The following FAM227B variants were observed in gnomAD, a reference collection of about 807,000 sequenced individuals.
FAM227B encodes family with sequence similarity 227 member B, also known as protein FAM227B.
Under a neutral mutation model 73.8 loss-of-function variants are expected in FAM227B, and 88 were observed. That is an observed-to-expected ratio of 1.19 (90% CI 1.00 to 1.42). The LOEUF (loss-of-function observed/expected upper bound fraction) is 1.42. FAM227B is among the 40% of genes most tolerant of loss of function. The pLI is 0.00. For missense variants in FAM227B, 632 were observed against 590.9 expected (o/e 1.07, Z -0.72); for synonymous variants, 210 against 190.5 (o/e 1.10, Z -0.84).
chr15:49,516,730 G>A (rs1487765594), intron 10 of FAM227B, among the ~76,000 whole-genome samples: 1 of 152,012 alleles, frequency 6.6e-6, no homozygotes, highest in African/African-American at 2.4e-5. Context: ...AATCACCCAT[G>A]TTCTAATCCC....
chr15:49,523,788 T>C (rs1003200475), intron 10 of FAM227B, among the ~76,000 whole-genome samples: 10 of 152,198 alleles, frequency 6.6e-5, no homozygotes, highest in African/African-American at 2.4e-4. Flanking sequence ...TCTGAAGTGG[T>C]CTCAGATGGA....
chr15:49,612,778 C>A (rs1409462076), intron 2 of FAM227B, among the ~76,000 whole-genome samples: 2 of 151,816 alleles, frequency 1.3e-5, no homozygotes, highest in Non-Finnish European at 2.9e-5. Flanking sequence ...ATCACAAGTT[C>A]ATGTTTTAGA....
chr15:49,604,070 T>C (rs1481342607), intron 3 of FAM227B, among the ~76,000 whole-genome samples: 1 of 152,228 alleles, frequency 6.6e-6, no homozygotes, highest in East Asian at 1.9e-4. Context: ...TTATTTTAAA[T>C]ATTTTTGCCT....
chr15:49,407,448 A>T (rs958215269), intron 11 of FAM227B, among the ~76,000 whole-genome samples: 1 of 151,702 alleles, frequency 6.6e-6, no homozygotes, highest in African/African-American at 2.4e-5. Flanking sequence ...CCCTCTGAAG[A>T]TCTGTTAGGA....
rs2042977341 is a variant in FAM227B, at chr15:49,355,411, G to C, written c.1271+12037C>G. 2.0e-5 allele frequency among the ~76,000 whole-genome samples: 3 copies of C among 152,358 alleles called. No individual in the cohort carries two copies. The South Asian group carries it at 6.2e-4, about 32-fold the overall frequency. ...ACTGCCTAAAGGAGCTAATGGAGCT[G>C]AAAACCAAGGCTCGAGAACTACGTG... On this transcript the variant is annotated intron_variant, in intron 13 of 15. Coordinates refer to ENST00000299338, the MANE Select transcript of FAM227B (RefSeq NM_152647.3).
At chr15:49,560,796 G>A (rs1382517008) in intron 9 of FAM227B, among the ~76,000 whole-genome samples, 1 of 152,046 alleles carries the variant, frequency 6.6e-6, no homozygotes, top group Non-Finnish European at 1.5e-5. Flanking sequence ...ATAAGTAAGG[G>A]AGAAATAGAA....
chr15:49,473,302 G>A (rs1181387216), intron 11 of FAM227B, among the ~76,000 whole-genome samples: 1 of 152,072 alleles, frequency 6.6e-6, no homozygotes, highest in Non-Finnish European at 1.5e-5. Flanking sequence ...ATTGTCATAT[G>A]CTGCTAAATT....
At chr15:49,509,623 A>G (rs1036461863) in intron 10 of FAM227B, among the ~76,000 whole-genome samples, 4 of 149,404 alleles carry the variant, frequency 2.7e-5, no homozygotes, top group Admixed American at 1.3e-4. Flanking sequence ...CCACTGGTTG[A>G]TATCTGACTA....
At chr15:49,347,577 C>A (rs756999636) in intron 13 of FAM227B, among the ~76,000 whole-genome samples, 2 of 151,992 alleles carry the variant, frequency 1.3e-5, no homozygotes, top group Non-Finnish European at 2.9e-5. Context: ...GCATACTGAA[C>A]GAGTATTCTT....
At chr15:49,476,231 GGTT>G (rs1567351816) in intron 11 of FAM227B, among the ~76,000 whole-genome samples, 1 of 29,100 alleles carries the variant, frequency 3.4e-5, no homozygotes, top group Non-Finnish European at 7.6e-5. Context: ...TTTTGTTTTT[GGTT>G]TTTTTTTTTT....
At chr15:49,448,841 C>G (rs886212937) in intron 11 of FAM227B, among the ~76,000 whole-genome samples, 1 of 151,846 alleles carries the variant, frequency 6.6e-6, no homozygotes, top group Non-Finnish European at 1.5e-5. Flanking sequence ...CAAGAATGAA[C>G]CCTCTACAAT....
chr15:49,419,468 T>C (rs749596984), intron 11 of FAM227B, among the ~76,000 whole-genome samples: 10 of 152,136 alleles, frequency 6.6e-5, no homozygotes, highest in African/African-American at 1.2e-4. Flanking sequence ...TTTTTGAAAA[T>C]ATGAAGAACA....
intron 12 of FAM227B, among the ~76,000 whole-genome samples, chr15:49,369,783 C>T (rs573757922): frequency 1.3e-5 from 2 of 152,202 alleles, no homozygotes; most frequent in South Asian, 4.1e-4. Flanking sequence ...TTTTTTGAGC[C>T]ATACAGAAAA....
At chr15:49,374,422 T>G (rs548324838) in intron 11 of FAM227B, among the ~76,000 whole-genome samples, 1 of 152,250 alleles carries the variant, frequency 6.6e-6, no homozygotes, top group East Asian at 1.9e-4. Context: ...AGAAAAGAAA[T>G]GCCAGGAGAA....
intron 1 of FAM227B, among the ~76,000 whole-genome samples, chr15:49,620,429 C>T (rs1234725295): frequency 6.6e-6 from 1 of 152,056 alleles, no homozygotes; most frequent in Non-Finnish European, 1.5e-5. Context: ...GGGAGAGGCA[C>T]GGACAAATGT....
rs762537152 is a variant in FAM227B at position 49,577,644 on chromosome 15, T to C, written c.426A>G (p.Thr142=). The C allele has an allele frequency of 6.4e-7, 1 of 1,567,542 alleles. No individual in the cohort carries two copies. ...KKIMLSDEME[T]EKNIEGCSFT... is the part of the protein sequence containing the mutation. ...TTTTAAGTACCTCTATATTCTTCTC[T>C]GTCTCCATTTCATCTGAAAGCTGGA... The change falls in exon 6 of 16, where the codon ACA becomes ACG. Residue 142 remains threonine, a synonymous_variant. Coordinates refer to ENST00000299338, the MANE Select transcript of FAM227B (RefSeq NM_152647.3).
intron 9 of FAM227B, among the ~76,000 whole-genome samples, chr15:49,556,799 T>C (rs1258299570): frequency 3.3e-5 from 5 of 152,206 alleles, no homozygotes; most frequent in Non-Finnish European, 1.5e-5. Context: ...TGGGTATTTC[T>C]GGTTGTGCTC....
Position 49,568,317 on chromosome 15 carries a change from G to A in FAM227B, c.675C>T (p.Phe225=), listed in dbSNP as rs758978257. 9.9e-6 allele frequency: 16 copies of A among 1,610,298 alleles called. No individual in the cohort carries two copies. Among genetic ancestry groups the A allele is most frequent in the African/African-American group, 4.0e-5 (3 of 74,688 alleles). Residue 225 remains phenylalanine, a synonymous_variant, in exon 9 of 16, where the codon TTC becomes TTT. Transcript: ENST00000299338. Reference sequence around the variant, plus strand: ...TCACATAACTTTCTGAAATTCTATCGAATAAGCAATCTTGGTTTTCTCTGT... The same window carrying A: ...TCACATAACTTTCTGAAATTCTATCAAATAAGCAATCTTGGTTTTCTCTGT... ...RPDRENQDCL[F]DRISESYVTL...
intron 11 of FAM227B, among the ~76,000 whole-genome samples, chr15:49,430,788 C>T (rs1037036623): frequency 6.6e-6 from 1 of 151,778 alleles, no homozygotes. Context: ...GAGGTTGAAG[C>T]CTTCATGGCC....
Sources: gnomAD v4.1 joint callset for allele counts (sites outside exome capture counted in the v4.1 genomes callset) on GRCh38, gnomAD v4.1.1 for gene constraint, MANE v1.5 for transcripts, NCBI Gene and HGNC (gene_info 2026-07-23, HGNC 2026-07-21) for gene names.